The following LINGO2 variants were observed in gnomAD, a reference collection of about 807,000 sequenced individuals.
The protein encoded by LINGO2 is leucine-rich repeat and immunoglobulin-like domain-containing nogo receptor-interacting protein 2.
A neutral mutation model predicts 30.6 loss-of-function variants in LINGO2; 14 were observed. The ratio of observed to expected loss-of-function variants is 0.46; its 90% CI spans 0.30 to 0.72. The LOEUF is 0.72. Ranked by LOEUF, LINGO2 falls within the 30% of genes least tolerant of loss-of-function variation. The pLI is 0.07. For missense variants in LINGO2, 729 were observed against 751.7 expected (o/e 0.97, Z 0.35); for synonymous variants, 317 against 288.5 (o/e 1.10, Z -1.00).
intron 4 of LINGO2, among the ~76,000 whole-genome samples, chr9:28,171,328 T>G (rs184345981): frequency 6.6e-6 from 1 of 152,292 alleles, no homozygotes; most frequent in African/African-American, 2.4e-5. Flanking sequence ...TCATTTACAA[T>G]CTATTCATTA....
At chr9:28,340,879 G>A (rs570235836) in intron 3 of LINGO2, among the ~76,000 whole-genome samples, 3 of 152,140 alleles carry the variant, frequency 2.0e-5, no homozygotes, top group South Asian at 2.1e-4. Context: ...TTTTAGTAAC[G>A]GAATCATTCC....
At chr9:28,229,669 A>G (rs1395098974) in intron 4 of LINGO2, among the ~76,000 whole-genome samples, 1 of 151,792 alleles carries the variant, frequency 6.6e-6, no homozygotes, top group Non-Finnish European at 1.5e-5. Context: ...AACTTTAAAA[A>G]ATAAAGTGAT....
chr9:28,928,448 T>A, the LINGO2 span, among the ~76,000 whole-genome samples: 14 of 152,158 alleles, frequency 9.2e-5, no homozygotes, highest in African/African-American at 3.1e-4. Context: ...CAACATGAGT[T>A]TGAACTGTGT....
the LINGO2 span, among the ~76,000 whole-genome samples, chr9:28,913,060 T>C: frequency 1.3e-5 from 2 of 152,158 alleles, no homozygotes; most frequent in East Asian, 1.9e-4. Context: ...GTATTTCCTC[T>C]GTACAGTTTA....
chr9:28,703,725 CTCTTT>C, the LINGO2 span, among the ~76,000 whole-genome samples: 1 of 151,878 alleles, frequency 6.6e-6, no homozygotes, highest in Non-Finnish European at 1.5e-5. Flanking sequence ...TTTTCTCTCT[CTCTTT>C]TTTTAACTCT....
chr9:28,384,426 A>C (rs761165172), intron 2 of LINGO2, among the ~76,000 whole-genome samples: 1 of 150,752 alleles, frequency 6.6e-6, no homozygotes, highest in Non-Finnish European at 1.5e-5. Flanking sequence ...TTTTTCAGTT[A>C]ACATTTTATT....
At chr9:28,099,758 T>C (rs1051655430) in intron 4 of LINGO2, among the ~76,000 whole-genome samples, 1 of 152,196 alleles carries the variant, frequency 6.6e-6, no homozygotes, top group Non-Finnish European at 1.5e-5. Context: ...AAATGGCTTT[T>C]GAGGCCAGGA....
the LINGO2 span, among the ~76,000 whole-genome samples, chr9:28,686,903 T>C: frequency 6.6e-6 from 1 of 152,034 alleles, no homozygotes; most frequent in Non-Finnish European, 1.5e-5. Context: ...ATGTTGAATA[T>C]AAGAAAAAGA....
chr9:28,059,254 G>C (rs1825064066), intron 4 of LINGO2, among the ~76,000 whole-genome samples: 1 of 151,922 alleles, frequency 6.6e-6, no homozygotes, highest in Non-Finnish European at 1.5e-5. Flanking sequence ...CTACCCTTTT[G>C]ACCTCCACAT....
At chr9:28,990,485 C>T in the LINGO2 span, among the ~76,000 whole-genome samples, 9 of 152,186 alleles carry the variant, frequency 5.9e-5, no homozygotes, top group Admixed American at 2.0e-4. Flanking sequence ...CCCTGTCTGA[C>T]AGCTTTGAAG....
At chr9:27,974,029 T>C (rs1000002009) in intron 5 of LINGO2, among the ~76,000 whole-genome samples, 6 of 152,174 alleles carry the variant, frequency 3.9e-5, no homozygotes, top group African/African-American at 1.2e-4. Context: ...GGTGGTGTTA[T>C]ATGGAGAGTC....
the LINGO2 span, among the ~76,000 whole-genome samples, chr9:28,894,403 TATG>T: frequency 6.6e-6 from 1 of 152,118 alleles, no homozygotes; most frequent in African/African-American, 2.4e-5. Flanking sequence ...TTAACTTTAT[TATG>T]ATGTCTTTCA....
At chr9:28,689,828 C>G in the LINGO2 span, among the ~76,000 whole-genome samples, 3 of 152,090 alleles carry the variant, frequency 2.0e-5, no homozygotes, top group Non-Finnish European at 4.4e-5. Context: ...CCTAAATGAC[C>G]ATCAATGATA....
At chr9:28,467,307 G>A (rs1587713580) in intron 2 of LINGO2, among the ~76,000 whole-genome samples, 1 of 152,066 alleles carries the variant, frequency 6.6e-6, no homozygotes, top group East Asian at 1.9e-4. Context: ...GATTACAGGT[G>A]TGAGCCACCA....
chr9:29,194,182 G>T, the LINGO2 span, among the ~76,000 whole-genome samples: 1 of 152,144 alleles, frequency 6.6e-6, no homozygotes, highest in Non-Finnish European at 1.5e-5. Flanking sequence ...CATACAGTAG[G>T]TGCTCATTAA....
intron 4 of LINGO2, among the ~76,000 whole-genome samples, chr9:28,254,643 G>A (rs532353674): frequency 4.6e-5 from 7 of 152,116 alleles, no homozygotes; most frequent in South Asian, 2.1e-4. Flanking sequence ...TATGTATAAA[G>A]GTGCCATAAC....
the LINGO2 span, among the ~76,000 whole-genome samples, chr9:29,110,123 G>C: frequency 7.1e-6 from 1 of 141,648 alleles, no homozygotes; most frequent in Non-Finnish European, 1.6e-5. Context: ...GTATATGCAA[G>C]ACGTGCATGT....
intron 5 of LINGO2, among the ~76,000 whole-genome samples, chr9:27,978,925 T>A (rs537214766): frequency 5.9e-5 from 9 of 152,058 alleles, no homozygotes; most frequent in Non-Finnish European, 1.2e-4. Context: ...GCACTTTACA[T>A]ATATTGTCTA....
At chr9:29,092,625 C>A in the LINGO2 span, among the ~76,000 whole-genome samples, 1 of 89,362 alleles carries the variant, frequency 1.1e-5, no homozygotes, top group Non-Finnish European at 2.4e-5. Context: ...GTGAAGGAGT[C>A]TTTACTTGAA....
Sources: allele counts gnomAD v4.1 joint callset (sites outside exome capture counted in the v4.1 genomes callset), GRCh38; gene constraint gnomAD v4.1.1; transcripts MANE v1.5; gene names NCBI Gene and HGNC (gene_info 2026-07-23, HGNC 2026-07-21).